The following MIPEP variants were observed in gnomAD, a reference collection of about 807,000 sequenced individuals.
MIPEP encodes mitochondrial intermediate peptidase.
MIPEP carries 79 observed loss-of-function variants against 90.3 expected under a neutral mutation model. The ratio of observed to expected loss-of-function variants is 0.87; its 90% CI spans 0.73 to 1.05. MIPEP has a LOEUF of 1.05. Ranked by LOEUF, MIPEP falls within the 50% of genes least tolerant of loss-of-function variation. The pLI is 0.00. For missense variants in MIPEP, 940 were observed against 905.6 expected, an observed-to-expected ratio of 1.04 and a Z score of -0.49; for synonymous variants, 334 against 315.8, an observed-to-expected ratio of 1.06 and a Z score of -0.61.
At chr13:23,873,488 A>T (rs1870923596) in intron 5 of MIPEP, among the ~76,000 whole-genome samples, 1 of 152,246 alleles carries the variant, frequency 6.6e-6, no homozygotes, top group African/African-American at 2.4e-5. Flanking sequence ...TTGGTCTAAA[A>T]AAAGCCAGGA....
Position 23,858,777 on chromosome 13 carries a change from G to A in MIPEP, c.1106+83C>T, listed in dbSNP as rs113505799. The A allele has an allele frequency of 4.5e-5, 54 of 1,201,656 alleles. No homozygotes were observed. The East Asian group carries it at 7.1e-4, about 16-fold the overall frequency. 74.4% of individuals were successfully genotyped at this position (1,201,656 alleles called of 1,614,324 possible). On this transcript the variant is annotated intron_variant, in intron 10 of 18. Coordinates refer to ENST00000382172, the MANE Select transcript of MIPEP (RefSeq NM_005932.4). The stretch of plus-strand genomic sequence containing the variant: ...CAGGGGAAGGGTTTGTACTGTGGGC[G>A]ACTCAGTGGATGACAGTAGCTGCTG...
Position 23,817,810 on chromosome 13 carries a change from C to T in MIPEP, c.1654-7886G>A, listed in dbSNP as rs180929132. 1.2e-3 allele frequency among the ~76,000 whole-genome samples: 178 copies of T among 152,194 alleles called. 1 individual carries two copies. The highest frequency in any genetic ancestry group is 4.1e-3 in the African/African-American group (171 of 41,532). ...CCATCCAAAATTTGTTTTACTGATACTTCAACAAGTTCCCCCACAAAAGGA... is the reference window on the plus strand; with the variant it reads ...CCATCCAAAATTTGTTTTACTGATATTTCAACAAGTTCCCCCACAAAAGGA... On this transcript the variant is annotated intron_variant, in intron 14 of 18. Coordinates refer to ENST00000382172, the MANE Select transcript of MIPEP (RefSeq NM_005932.4).
chr13:23,769,306 CACG>C (rs1328177866), intron 16 of MIPEP, among the ~76,000 whole-genome samples: 1 of 152,052 alleles, frequency 6.6e-6, no homozygotes, highest in East Asian at 1.9e-4. Context: ...CCCTGAGGCA[CACG>C]ACAAGAAGGG....
chr13:23,790,111 A>G (rs996867672), intron 16 of MIPEP, among the ~76,000 whole-genome samples: 1 of 152,204 alleles, frequency 6.6e-6, no homozygotes, highest in Non-Finnish European at 1.5e-5. Context: ...CAAATCCTGC[A>G]TATGACTGGG....
chr13:23,803,525 A>C (rs181742300), intron 16 of MIPEP, among the ~76,000 whole-genome samples: 24 of 152,118 alleles, frequency 1.6e-4, no homozygotes, highest in African/African-American at 5.8e-4. Context: ...CCATATAGAG[A>C]TCAATCACTA....
intron 18 of MIPEP, among the ~76,000 whole-genome samples, chr13:23,748,623 CATCTT>C (rs933644589): frequency 1.3e-5 from 2 of 152,156 alleles, no homozygotes; most frequent in African/African-American, 4.8e-5. Context: ...AGTTTTAAAT[CATCTT>C]ATCTTTTAAT....
intron 9 of MIPEP, 116 bp downstream of exon 9, chr13:23,862,186 C>A: frequency 1.5e-6 from 1 of 676,508 alleles, no homozygotes; most frequent in East Asian, 2.8e-5. Context: ...AACCGAGGAT[C>A]AGAAACAAGA....
chr13:23,811,205 C>G (rs1953167538), intron 14 of MIPEP, among the ~76,000 whole-genome samples: 1 of 152,146 alleles, frequency 6.6e-6, no homozygotes, highest in Non-Finnish European at 1.5e-5. Context: ...TGACAGGATT[C>G]ATGCTACATT....
intron 14 of MIPEP, among the ~76,000 whole-genome samples, chr13:23,811,745 G>C (rs1170297037): frequency 6.6e-6 from 1 of 152,068 alleles, no homozygotes; most frequent in East Asian, 1.9e-4. Flanking sequence ...GATGCTACCC[G>C]GTCCTGAGAC....
intron 14 of MIPEP, among the ~76,000 whole-genome samples, chr13:23,828,841 C>T (rs952937525): frequency 3.3e-5 from 5 of 152,058 alleles, no homozygotes; most frequent in Admixed American, 6.5e-5. Context: ...TACAAAGGTC[C>T]AAGAGTAGAC....
At chr13:23,875,123 CCTAT>C (rs1871014034) in intron 4 of MIPEP, among the ~76,000 whole-genome samples, 2 of 151,458 alleles carry the variant, frequency 1.3e-5, no homozygotes, top group East Asian at 1.9e-4. Context: ...AGGCAAAACA[CCTAT>C]CTGACTGACA....
intron 16 of MIPEP, among the ~76,000 whole-genome samples, chr13:23,797,467 C>G (rs191575155): frequency 1.3e-5 from 2 of 152,334 alleles, no homozygotes; most frequent in Admixed American, 1.3e-4. Flanking sequence ...TCCCCACCCC[C>G]ACAGATGGCT....
chr13:23,735,530 C>G (rs1952252852), intron 18 of MIPEP, among the ~76,000 whole-genome samples: 1 of 152,118 alleles, frequency 6.6e-6, no homozygotes, highest in Non-Finnish European at 1.5e-5. Flanking sequence ...AACAAACTGC[C>G]AATATAAATA....
intron 5 of MIPEP, among the ~76,000 whole-genome samples, chr13:23,872,459 C>A (rs970917268): frequency 6.6e-6 from 1 of 152,016 alleles, no homozygotes; most frequent in Admixed American, 6.5e-5. Flanking sequence ...GAAACTCTGT[C>A]TCAAAAAATA....
At chr13:23,837,818 G>T in intron 12 of MIPEP, 62 bp from the exon 13 acceptor site, 1 of 1,287,566 alleles carries the variant, frequency 7.8e-7, no homozygotes, top group Non-Finnish European at 1.1e-6. Flanking sequence ...GAGTAAAACA[G>T]TCTTAATGAA....
chr13:23,884,096 G>C (rs1871371030), intron 2 of MIPEP, among the ~76,000 whole-genome samples: 1 of 152,160 alleles, frequency 6.6e-6, no homozygotes, highest in South Asian at 2.1e-4. Context: ...TAAAGATGGG[G>C]ATGAGTTATG....
At chr13:23,842,104 A>G (rs1246849596) in intron 10 of MIPEP, among the ~76,000 whole-genome samples, 1 of 152,206 alleles carries the variant, frequency 6.6e-6, no homozygotes, top group Non-Finnish European at 1.5e-5. Context: ...ATATATTCCA[A>G]TATAAACCAA....
At chr13:23,884,632 C>T (rs1871398567) in intron 2 of MIPEP, among the ~76,000 whole-genome samples, 2 of 152,180 alleles carry the variant, frequency 1.3e-5, no homozygotes, top group South Asian at 4.1e-4. Flanking sequence ...GAGAAGGTTA[C>T]CTCAGCTCAT....
intron 10 of MIPEP, among the ~76,000 whole-genome samples, chr13:23,852,965 A>G (rs953629430): frequency 1.3e-5 from 2 of 152,204 alleles, no homozygotes; most frequent in African/African-American, 4.8e-5. Flanking sequence ...TACAAAAAAA[A>G]TTTTTAATAG....
Sources: allele counts gnomAD v4.1 joint callset (sites outside exome capture counted in the v4.1 genomes callset), GRCh38; gene constraint gnomAD v4.1.1; transcripts MANE v1.5; gene names NCBI Gene and HGNC (gene_info 2026-07-23, HGNC 2026-07-21).